RANBP2: variants seen among roughly 807,000 people sequenced by gnomAD.
The protein encoded by RANBP2 is E3 SUMO-protein ligase RanBP2.
A neutral mutation model predicts 303.6 loss-of-function variants in RANBP2; 57 were observed. That is an observed-to-expected ratio of 0.19 (90% CI 0.15 to 0.23). The LOEUF is 0.23. Among genes scored for constraint, RANBP2 ranks in the 10% least tolerant of loss-of-function variants. The probability of loss-of-function intolerance (pLI) is 1.00; values close to 1 mark genes in which losing one functional copy is unlikely to be tolerated. For missense variants in RANBP2, 3,138 were observed against 3,780.8 expected (o/e 0.83, Z 4.46); for synonymous variants, 1,167 against 1,301.5 (o/e 0.90, Z 2.23).
the RANBP2 span, among the ~76,000 whole-genome samples, chr2:109,252,263 A>AC: frequency 7.3e-4 from 111 of 151,998 alleles, no homozygotes; most frequent in Non-Finnish European, 1.1e-3. Flanking sequence ...AGAAAAAAAA[A>AC]AAAAACTTTC....
At chr2:109,222,161 C>CAG in the RANBP2 span, among the ~76,000 whole-genome samples, 24,589 of 152,030 alleles carry the variant, frequency 0.16, 3,935 homozygotes, top group African/African-American at 0.4. Flanking sequence ...CGCATGAAGA[C>CAG]AGAGTAGAGT....
the RANBP2 span, among the ~76,000 whole-genome samples, chr2:109,389,252 G>A: frequency 7.9e-5 from 12 of 151,726 alleles, no homozygotes; most frequent in African/African-American, 2.9e-4. Flanking sequence ...AGGGGCAAGC[G>A]TGGGCCAGGC....
chr2:109,447,380 GC>G, the RANBP2 span, among the ~76,000 whole-genome samples: 1 of 152,114 alleles, frequency 6.6e-6, no homozygotes, highest in Non-Finnish European at 1.5e-5. Context: ...ACTTCCCGTG[GC>G]CTCCAAACGC....
chr2:109,346,816 C>CG, the RANBP2 span, among the ~76,000 whole-genome samples: 2 of 152,174 alleles, frequency 1.3e-5, no homozygotes, highest in African/African-American at 4.8e-5. Flanking sequence ...TAACCTCTGA[C>CG]GGATACAAGA....
At chr2:109,257,167 G>A in the RANBP2 span, among the ~76,000 whole-genome samples, 1 of 152,346 alleles carries the variant, frequency 6.6e-6, no homozygotes, top group African/African-American at 2.4e-5. Flanking sequence ...CTGGAAAAGT[G>A]CCCACTGGGG....
At chr2:108,868,974 T>C in the RANBP2 span, among the ~76,000 whole-genome samples, 2 of 152,150 alleles carry the variant, frequency 1.3e-5, no homozygotes, top group African/African-American at 4.8e-5. Context: ...CCAGCTGAAT[T>C]AACACAGACT....
chr2:108,752,650 G>A (rs769469879), intron 12 of RANBP2, among the ~76,000 whole-genome samples: 6 of 149,646 alleles, frequency 4.0e-5, no homozygotes, highest in Admixed American at 1.3e-4. Context: ...AAAATTAGCC[G>A]GGCGTGGTGG....
the RANBP2 span, among the ~76,000 whole-genome samples, chr2:109,389,528 C>T: frequency 3.3e-5 from 5 of 152,184 alleles, no homozygotes; most frequent in Non-Finnish European, 2.9e-5. Flanking sequence ...TTAAAAAGGC[C>T]GGTCAGGACC....
chr2:109,766,330 G>A, the RANBP2 span, among the ~76,000 whole-genome samples: 1 of 150,856 alleles, frequency 6.6e-6, no homozygotes, highest in Non-Finnish European at 1.5e-5. Flanking sequence ...CTGTGGAGGA[G>A]CTCAGCCCTT....
At chr2:108,727,696 C>T (rs1442399833) in intron 1 of RANBP2, among the ~76,000 whole-genome samples, 2 of 151,248 alleles carry the variant, frequency 1.3e-5, no homozygotes, top group African/African-American at 2.4e-5. Context: ...CTCTGCCTCC[C>T]GGATTCAAGC....
At chr2:109,012,955 A>G in the RANBP2 span, among the ~76,000 whole-genome samples, 1 of 152,152 alleles carries the variant, frequency 6.6e-6, no homozygotes, top group Non-Finnish European at 1.5e-5. Flanking sequence ...CAGAGAGAGG[A>G]ACTTTGTATA....
chr2:109,106,759 T>C, the RANBP2 span, among the ~76,000 whole-genome samples: 171 of 151,740 alleles, frequency 1.1e-3, no homozygotes, highest in African/African-American at 4.0e-3. Flanking sequence ...ATGGTGTGAA[T>C]CCGGGAGGCA....
the RANBP2 span, among the ~76,000 whole-genome samples, chr2:109,234,397 C>T: frequency 6.6e-6 from 1 of 152,318 alleles, no homozygotes; most frequent in East Asian, 1.9e-4. Flanking sequence ...ATGAAACAGG[C>T]AATTTCTCTA....
chr2:108,856,137 G>A, the RANBP2 span, among the ~76,000 whole-genome samples: 1 of 152,072 alleles, frequency 6.6e-6, no homozygotes, highest in African/African-American at 2.4e-5. Flanking sequence ...TCCCAATCCT[G>A]GCCTTGCAGG....
chr2:108,805,925 G>C, the RANBP2 span, among the ~76,000 whole-genome samples: 1 of 152,114 alleles, frequency 6.6e-6, no homozygotes, highest in Non-Finnish European at 1.5e-5. Flanking sequence ...TGTTGGAGCA[G>C]AAATTGGAGT....
At chr2:109,532,602 T>C in the RANBP2 span, among the ~76,000 whole-genome samples, 1 of 152,110 alleles carries the variant, frequency 6.6e-6, no homozygotes. Flanking sequence ...GTGAACTCAA[T>C]GTGTCTATAA....
chr2:109,727,528 C>T, the RANBP2 span, among the ~76,000 whole-genome samples: 1 of 152,268 alleles, frequency 6.6e-6, no homozygotes, highest in Admixed American at 6.5e-5. Flanking sequence ...TCCTGAAAAC[C>T]TATTTTACAT....
At chr2:109,043,546 G>A in the RANBP2 span, among the ~76,000 whole-genome samples, 1 of 152,160 alleles carries the variant, frequency 6.6e-6, no homozygotes, top group African/African-American at 2.4e-5. Flanking sequence ...TGTTGGCCAG[G>A]CTGATCTCGA....
the RANBP2 span, among the ~76,000 whole-genome samples, chr2:109,091,366 G>C: frequency 2.0e-5 from 3 of 151,918 alleles, no homozygotes; most frequent in Non-Finnish European, 4.4e-5. Flanking sequence ...CTCTGTTTTA[G>C]TCCTGCCCCT....
Sources: gnomAD v4.1 joint callset for allele counts (sites outside exome capture counted in the v4.1 genomes callset) on GRCh38, gnomAD v4.1.1 for gene constraint, MANE v1.5 for transcripts, NCBI Gene and HGNC (gene_info 2026-07-23, HGNC 2026-07-21) for gene names.